Variants in CPT1A observed in about 807,000 individuals in gnomAD.
CPT1A encodes carnitine palmitoyltransferase 1A.
CPT1A carries 64 observed loss-of-function variants against 100.8 expected under a neutral mutation model. The observed-to-expected ratio is 0.63, with a 90% CI of 0.52 to 0.78. The LOEUF (loss-of-function observed/expected upper bound fraction) is 0.78, where lower values mean the gene tolerates loss of function less well. CPT1A is among the 30% of genes least tolerant of loss of function. The pLI is 0.00. For missense variants in CPT1A, 802 were observed against 1,034.1 expected (o/e 0.78, Z 3.08); for synonymous variants, 363 against 396.0 (o/e 0.92, Z 0.99).
chr11:68,760,331 G>A lies in CPT1A; in HGVS notation c.2036C>T (p.Ser679Phe), dbSNP rs781587270. The A allele has an allele frequency of 6.2e-7, 1 of 1,610,020 alleles. No individual in the cohort carries two copies. The highest frequency in any genetic ancestry group is 1.1e-5 in the South Asian group (1 of 90,298). The change falls in exon 17 of 19, where the codon TCT becomes TTT. Residue 679 changes from serine to phenylalanine, a missense_variant. Ser to Phe is a radical substitution (Grantham distance 155, BLOSUM62 -2). Coordinates refer to ENST00000265641, the MANE Select transcript of CPT1A (RefSeq NM_001876.4). ...GCTTGTTGATAATCTCCAAGGCTCA[G>A]ATAAAACCTATTGAGTGAAACAGGG... ...VESPFLKEVLSEPWRLSTSQT... is the reference protein window; with the variant it reads ...VESPFLKEVLFEPWRLSTSQT...
intron 14 of CPT1A, among the ~76,000 whole-genome samples, chr11:68,769,335 C>T (rs547898403): frequency 1.3e-5 from 2 of 152,248 alleles, no homozygotes; most frequent in African/African-American, 4.8e-5. Flanking sequence ...CTCCGGGGCT[C>T]AAGTGATCCT....
intron 3 of CPT1A, among the ~76,000 whole-genome samples, chr11:68,810,377 C>A (rs1856168233): frequency 6.6e-6 from 1 of 152,148 alleles, no homozygotes; most frequent in East Asian, 1.9e-4. Flanking sequence ...GACAGCAGTA[C>A]CCAGGCAGAC....
At chr11:68,816,684 A>G (rs992943381) in intron 1 of CPT1A, among the ~76,000 whole-genome samples, 13 of 152,040 alleles carry the variant, frequency 8.6e-5, no homozygotes, top group Admixed American at 3.9e-4. Context: ...GCCTGCCACA[A>G]AGTACTAAAT....
intron 13 of CPT1A, among the ~76,000 whole-genome samples, chr11:68,774,919 T>C (rs1855103976): frequency 1.3e-5 from 2 of 152,114 alleles, no homozygotes; most frequent in South Asian, 4.1e-4. Flanking sequence ...GGGCTGCCTC[T>C]GAGCATGTTT....
rs549745454 is a variant in CPT1A, at chr11:68,760,960, T to A, written c.2028+575A>T. Reference sequence around the variant, plus strand: ...AGCTTGAACCCGGGAGGCGGAGGTTTCAGTGAGCCAAGATGGCGCCACTGC... The same window carrying A: ...AGCTTGAACCCGGGAGGCGGAGGTTACAGTGAGCCAAGATGGCGCCACTGC... On this transcript the variant is annotated intron_variant, in intron 16 of 18. Coordinates refer to ENST00000265641, the MANE Select transcript of CPT1A (RefSeq NM_001876.4). Among the ~76,000 whole-genome samples the A allele has an allele frequency of 2.0e-5, 3 of 151,774 alleles. No individual in the cohort carries two copies. In the South Asian group the frequency reaches 6.3e-4, roughly 32 times the overall value.
At chr11:68,843,734 C>G (rs187874407), upstream of CPT1A, among the ~76,000 whole-genome samples, 375 of 152,344 alleles carry the variant, frequency 2.5e-3, 2 homozygotes, top group African/African-American at 8.7e-3. The surrounding 1 kb of genome is among the most constrained non-coding windows in gnomAD (Gnocchi z 4.0). Flanking sequence ...GCACTCGACC[C>G]CCGCAGATTT....
At chr11:68,774,781 CAAAAAAAAAA>C (rs1169875761) in intron 13 of CPT1A, among the ~76,000 whole-genome samples, 1 of 54,284 alleles carries the variant, frequency 1.8e-5, no homozygotes, top group South Asian at 5.7e-4. Context: ...GACTACATCT[CAAAAAAAAAA>C]AAAAAAAAGA....
intron 1 of CPT1A, among the ~76,000 whole-genome samples, chr11:68,840,956 A>C (rs1857145201): frequency 6.6e-6 from 1 of 152,084 alleles, no homozygotes; most frequent in Non-Finnish European, 1.5e-5. Context: ...CCCTTGACCC[A>C]GCGCTGCACG....
chr11:68,769,329 G>A (rs984108767), intron 14 of CPT1A, among the ~76,000 whole-genome samples: 1 of 152,048 alleles, frequency 6.6e-6, no homozygotes, highest in Non-Finnish European at 1.5e-5. Flanking sequence ...CTCCACCTCC[G>A]GGGCTCAAGT....
chr11:68,794,305 G>T (rs779573361), intron 8 of CPT1A, among the ~76,000 whole-genome samples: 3 of 152,318 alleles, frequency 2.0e-5, no homozygotes, highest in Admixed American at 6.5e-5. Context: ...AGGGCAGAGG[G>T]GTTTTCGGGT....
In CPT1A at chr11:68,786,148, G is replaced by A. The variant is rs778555430; in HGVS notation, c.968-1138C>T. ...AGGCCAAGGAGGGAGGATTGCTTGA[G>A]CCCAGGAGTTTGGGATCAGCCTGGG... On this transcript the variant is annotated intron_variant, in intron 9 of 18. Coordinates refer to ENST00000265641, the MANE Select transcript of CPT1A (RefSeq NM_001876.4). 68 of 684,338 alleles carry A rather than the reference G, an allele frequency of 9.9e-5. 1 individual carries two copies. The highest frequency in any genetic ancestry group is 2.2e-4 in the South Asian group (14 of 64,822). 42.4% of individuals were successfully genotyped at this position (684,338 alleles called of 1,614,324 possible). A position where few individuals can be genotyped will look rare whatever the true frequency, so the allele number is the denominator to read the frequency against.
intron 1 of CPT1A, among the ~76,000 whole-genome samples, chr11:68,832,479 C>A (rs1008557952): frequency 3.3e-5 from 5 of 152,022 alleles, no homozygotes; most frequent in African/African-American, 1.2e-4. Context: ...AACAAACAAA[C>A]AAAAACCCAG....
chr11:68,789,410 T>A (rs556280521), intron 9 of CPT1A, among the ~76,000 whole-genome samples: 3 of 152,116 alleles, frequency 2.0e-5, no homozygotes, highest in Non-Finnish European at 4.4e-5. Context: ...CTTTATTTTT[T>A]TTTTTTGACA....
At position 68,762,718 on chromosome 11, in the gene CPT1A, CG is replaced by C; in HGVS notation, c.1783del (p.Arg595GlyfsTer36). 6.2e-7 allele frequency: 1 copy of C among 1,614,042 alleles called. No homozygotes were observed. Among genetic ancestry groups the C allele is most frequent in the Non-Finnish European group, 8.5e-7 (1 of 1,180,028 alleles). On this transcript the variant is annotated frameshift_variant, in exon 15 of 19. Coordinates refer to ENST00000265641, the MANE Select transcript of CPT1A (RefSeq NM_001876.4). LOFTEE classifies it high-confidence loss of function. ...CTCCGTCCTCCCCTCTCGGAAGAGC[CG>C]GGTCATGGAGGCCTCGTATGTGAGG... ...FCLTYEASMT[R>X]LFREGRTETV... is the part of the protein sequence containing the mutation.
At chr11:68,821,247 G>A (rs555631828) in intron 1 of CPT1A, among the ~76,000 whole-genome samples, 87 of 152,290 alleles carry the variant, frequency 5.7e-4, no homozygotes, top group African/African-American at 2.0e-3. Context: ...CTGCCTCCTG[G>A]GTTCAAGTGA....
chr11:68,774,835 T>C (rs1440509655), intron 13 of CPT1A, among the ~76,000 whole-genome samples: 1 of 151,526 alleles, frequency 6.6e-6, no homozygotes, highest in Non-Finnish European at 1.5e-5. Context: ...CCAGGGAATT[T>C]CTCCTTGGAT....
rs532594628 is a variant in CPT1A, at chr11:68,841,189, C to G, written c.-14+586G>C. 2.6e-5 allele frequency among the ~76,000 whole-genome samples: 4 copies of G among 152,184 alleles called. No individual in the cohort carries two copies. Among genetic ancestry groups the G allele is most frequent in the African/African-American group, 9.6e-5 (4 of 41,456 alleles). On this transcript the variant is annotated intron_variant, in intron 1 of 18. Transcript: ENST00000265641. The surrounding 1 kb of genome is among the most constrained non-coding windows in gnomAD (Gnocchi z 6.3). ...GCCGAGCACCCCTCCCTCAGCCGCA[C>G]TGCACCTGCCCGTAGGTGACCAACC...
rs531177300 is a variant in CPT1A at position 68,754,944 on chromosome 11, G to T, written c.*2700C>A. The T allele has an allele frequency of 2.7e-5, 20 of 741,532 alleles. No homozygotes were observed. Among genetic ancestry groups the T allele is most frequent in the Non-Finnish European group, 5.1e-5 (20 of 392,156 alleles). 45.9% of individuals were successfully genotyped at this position (741,532 alleles called of 1,614,324 possible). ...ACCTACATTCACACTGCATTTCTAA[G>T]ATTTACATCCAAAGAGCATACTGTA... On this transcript the variant is annotated 3_prime_UTR_variant, in exon 19 of 19. Transcript: ENST00000265641.
Position 68,784,951 on chromosome 11 carries a change from A to C in CPT1A, c.1027T>G (p.Phe343Val), listed in dbSNP as rs80356783. Residue 343 changes from phenylalanine to valine, a missense_variant, in exon 10 of 19, where the codon TTC becomes GTC. Physicochemically the swap from Phe to Val is conservative, Grantham distance 50 (BLOSUM62 -1). Transcript: ENST00000265641. ...HIVVYHRGRY[F>V]KVWLYHDGRL... ...CCATCATGGTAGAGCCAGACCTTGAAGTAGCGTCCTCGATGGTACACGACG... is the reference window on the plus strand; with the variant it reads ...CCATCATGGTAGAGCCAGACCTTGACGTAGCGTCCTCGATGGTACACGACG... The C allele has an allele frequency of 2.5e-6, 4 of 1,614,106 alleles. No individual in the cohort carries two copies. In the Admixed American group the frequency reaches 6.7e-5, roughly 27 times the overall value.
Sources: gnomAD v4.1 joint callset for allele counts (sites outside exome capture counted in the v4.1 genomes callset) on GRCh38, gnomAD v4.1.1 for gene constraint, Gnocchi (gnomAD v3.1) non-coding constraint, MANE v1.5 for transcripts, NCBI Gene and HGNC (gene_info 2026-07-23, HGNC 2026-07-21) for gene names.